The following PPP6R2 variants were observed in gnomAD, a reference collection of about 807,000 sequenced individuals.
PPP6R2 encodes the protein serine/threonine-protein phosphatase 6 regulatory subunit 2.
In PPP6R2, 62 loss-of-function variants were observed where a neutral mutation model predicts 100.2. That is an observed-to-expected ratio of 0.62 (90% CI 0.50 to 0.76). The LOEUF (loss-of-function observed/expected upper bound fraction) is 0.76. Among genes scored for constraint, PPP6R2 ranks in the 30% least tolerant of loss-of-function variants. PPP6R2 has a pLI of 0.00. For synonymous variants in PPP6R2, 525 were observed against 514.7 expected, an observed-to-expected ratio of 1.02 and a Z score of -0.27; for missense variants, 1,142 against 1,276.3, an observed-to-expected ratio of 0.89 and a Z score of 1.60.
chr22:50,340,066 GTGAT>G (rs2042355011), upstream of PPP6R2, among the ~76,000 whole-genome samples: 1 of 147,854 alleles, frequency 6.8e-6, no homozygotes, highest in Non-Finnish European at 1.5e-5. Flanking sequence ...TGTGTGGTGT[GTGAT>G]GTGTGTGTGG....
intron 1 of PPP6R2, among the ~76,000 whole-genome samples, chr22:50,358,592 A>G (rs900833631): frequency 6.6e-6 from 1 of 152,226 alleles, no homozygotes; most frequent in Non-Finnish European, 1.5e-5. Context: ...TTGTCACTAT[A>G]GTCAGGATAG....
intron 2 of PPP6R2, among the ~76,000 whole-genome samples, chr22:50,382,615 G>A (rs906361761): frequency 6.6e-6 from 1 of 151,860 alleles, no homozygotes; most frequent in Non-Finnish European, 1.5e-5. Context: ...AAAATACCTG[G>A]GAATAAAATA....
chr22:50,384,035 C>CAAAAAA lies in PPP6R2; in HGVS notation c.-16-9844_-16-9839dup, dbSNP rs547396966. Among the ~76,000 whole-genome samples, 14 of 75,800 alleles carry CAAAAAA rather than the reference C, an allele frequency of 1.8e-4. 1 individual carries two copies. The highest frequency in any genetic ancestry group is 3.0e-4 in the Non-Finnish European group (12 of 40,502). 49.7% of individuals were successfully genotyped at this position (75,800 alleles called of 152,430 possible). ...TGGGCGGCTGAGCGAGACTCCATCTCAAAAAAAAAAAAAAAAAAAGAAGGA... is the reference window on the plus strand; with the variant it reads ...TGGGCGGCTGAGCGAGACTCCATCTCAAAAAAAAAAAAAAAAAAAAAAAAAGAAGGA... On this transcript the variant is annotated intron_variant, in intron 2 of 23. Coordinates refer to ENST00000612753, the MANE Select transcript of PPP6R2 (RefSeq NM_001242898.2).
At chr22:50,429,883 A>G (rs1298863118) in intron 10 of PPP6R2, among the ~76,000 whole-genome samples, 3 of 152,212 alleles carry the variant, frequency 2.0e-5, no homozygotes, top group Non-Finnish European at 4.4e-5. Context: ...AGGTGAAGCC[A>G]GGATTTAGGA....
intron 12 of PPP6R2, among the ~76,000 whole-genome samples, chr22:50,433,971 C>T (rs1483748396): frequency 2.1e-4 from 7 of 33,554 alleles, no homozygotes; most frequent in Admixed American, 6.2e-4. Context: ...GGAGGAGGGC[C>T]GGGGGCATGG....
intron 1 of PPP6R2, among the ~76,000 whole-genome samples, chr22:50,350,366 G>T (rs2044763883): frequency 6.6e-6 from 1 of 151,024 alleles, no homozygotes; most frequent in South Asian, 2.1e-4. Context: ...GAGTAGCGGG[G>T]ATTACAGGCG....
intron 6 of PPP6R2, among the ~76,000 whole-genome samples, chr22:50,417,452 C>T (rs1310294028): frequency 6.6e-6 from 1 of 152,176 alleles, no homozygotes; most frequent in Non-Finnish European, 1.5e-5. Context: ...CAATGGGGCT[C>T]CCTGTGGTGA....
intron 1 of PPP6R2, among the ~76,000 whole-genome samples, chr22:50,361,908 A>G (rs1227952234): frequency 6.6e-6 from 1 of 152,066 alleles, no homozygotes; most frequent in African/African-American, 2.4e-5. Flanking sequence ...TCACTGTCCT[A>G]GGGCAGTGGT....
At position 50,438,236 on chromosome 22, in the gene PPP6R2, G is replaced by C. The variant is rs774623330; in HGVS notation, c.1902G>C (p.Glu634Asp). The C allele has an allele frequency of 2.5e-6, 4 of 1,613,936 alleles. No homozygotes were observed. Among genetic ancestry groups the C allele is most frequent in the Admixed American group, 1.7e-5 (1 of 60,014 alleles). The change falls in exon 18 of 24, where the codon GAG (glutamate) becomes GAC (aspartate). Residue 634 changes from glutamate (E) to aspartate (D), a missense_variant. By Grantham distance (45) the Glu-to-Asp change is conservative. This residue lies in a region of PPP6R2 where 550 missense variants were observed against 517.4 expected (regional missense o/e 1.06). Transcript: ENST00000612753. ...GCATCCAGCCCTTTGATGATGATGA[G>C]GACGAGGACATCTGGGAGGACAGTG... Reference protein sequence around the residue: ...SDRIQPFDDDEDEDIWEDSDT... With the variant: ...SDRIQPFDDDDDEDIWEDSDT...
At chr22:50,438,378 C>T (rs1345172205) in intron 18 of PPP6R2, 80 bp downstream of exon 18, 6 of 1,549,820 alleles carry the variant, frequency 3.9e-6, no homozygotes, top group East Asian at 2.2e-5. Flanking sequence ...CCCTGTGGTT[C>T]GTTAGCTGGC....
chr22:50,339,581 GTGGTGTGTGTGGTA>G (rs1445150157), upstream of PPP6R2, among the ~76,000 whole-genome samples: 1 of 131,068 alleles, frequency 7.6e-6, no homozygotes, highest in Admixed American at 7.8e-5. Context: ...TAGTGTGTGT[GTGGTGTGTGTGGTA>G]TGGTGTGTGC....
intron 22 of PPP6R2, among the ~76,000 whole-genome samples, chr22:50,442,552 T>TTTTG (rs36157989): frequency 0.62 from 93,305 of 151,116 alleles, 29,640 homozygotes; most frequent in East Asian, 0.93. Flanking sequence ...TCACTGAAAT[T>TTTTG]TTTGTTTGTT....
chr22:50,440,108 C>A (rs1008812041), intron 21 of PPP6R2, 59 bp downstream of exon 21: 8 of 1,474,712 alleles, frequency 5.4e-6, no homozygotes, highest in Admixed American at 1.9e-5. Flanking sequence ...CTGAGGCCAG[C>A]TGGCCCCCCT....
At chr22:50,343,840 T>TCAGTTC (rs2042797445) in intron 1 of PPP6R2, among the ~76,000 whole-genome samples, 3 of 8,816 alleles carry the variant, frequency 3.4e-4, no homozygotes, top group African/African-American at 6.7e-4. Context: ...CCAGTCAGTT[T>TCAGTTC]CCCCCCAGTC....
intron 1 of PPP6R2, among the ~76,000 whole-genome samples, chr22:50,371,698 G>C (rs2050256674): frequency 6.6e-6 from 1 of 151,956 alleles, no homozygotes. Context: ...GGAGTGCAGT[G>C]GCATGATCTC....
At chr22:50,440,319 G>A (rs1480286433) in intron 21 of PPP6R2, among the ~76,000 whole-genome samples, 2 of 152,212 alleles carry the variant, frequency 1.3e-5, no homozygotes, top group African/African-American at 4.8e-5. Context: ...CCTGGATTCC[G>A]GACAGCAGCA....
In PPP6R2 at chr22:50,352,742, A is replaced by AAAAC. The variant is rs1229724159; in HGVS notation, c.-148+9195_-148+9196insCAAA. Among the ~76,000 whole-genome samples the AAAAC allele has an allele frequency of 3.8e-5, 3 of 78,376 alleles. No homozygotes were observed. In the East Asian group the frequency reaches 2.0e-3, roughly 52 times the overall value. The allele number at this position is 78,376 out of a possible 152,430, so 51.4% of individuals were successfully genotyped here. A position where few individuals can be genotyped will look rare whatever the true frequency, so the allele number is the denominator to read the frequency against. On this transcript the variant is annotated intron_variant, in intron 1 of 23. Coordinates refer to ENST00000612753, the MANE Select transcript of PPP6R2 (RefSeq NM_001242898.2). ...CTGTCTCAAAACAAAAACAAAAACA[A>AAAAC]AAAAAAAAAACACACAAAACAACAA...
chr22:50,384,790 A>G (rs980081860), intron 2 of PPP6R2, among the ~76,000 whole-genome samples: 2 of 152,050 alleles, frequency 1.3e-5, no homozygotes, highest in African/African-American at 4.8e-5. Context: ...CCTAAGCTGG[A>G]AGTGCAGGGG....
intron 2 of PPP6R2, among the ~76,000 whole-genome samples, chr22:50,380,231 CTT>C (rs57158964): frequency 1.4e-5 from 2 of 142,650 alleles, no homozygotes; most frequent in African/African-American, 5.1e-5. Context: ...CAGTCTTTTT[CTT>C]TTTTTTTTTT....
Sources: gnomAD v4.1 joint callset for allele counts (sites outside exome capture counted in the v4.1 genomes callset) on GRCh38, gnomAD v4.1.1 for gene constraint, gnomAD v4.1.1 regional missense constraint, MANE v1.5 for transcripts, NCBI Gene and HGNC (gene_info 2026-07-23, HGNC 2026-07-21) for gene names.